LIN28B: variants seen among roughly 807,000 people sequenced by gnomAD.
The protein encoded by LIN28B is protein lin-28 homolog B.
LIN28B carries 5 observed loss-of-function variants against 21.9 expected under a neutral mutation model. The ratio of observed to expected loss-of-function variants is 0.23; its 90% CI spans 0.12 to 0.48. The LOEUF is 0.48. LIN28B is among the 20% of genes least tolerant of loss of function. LIN28B has a pLI of 0.98. For missense variants in LIN28B, 245 were observed against 310.5 expected (o/e 0.79, Z 1.58); for synonymous variants, 109 against 111.3 (o/e 0.98, Z 0.13).
At chr6:105,021,427 C>T (rs1771139138) in intron 2 of LIN28B, among the ~76,000 whole-genome samples, 2 of 152,040 alleles carry the variant, frequency 1.3e-5, no homozygotes, top group Admixed American at 6.6e-5. Context: ...ATTTTTAGTT[C>T]TTTGGTAAAT....
chr6:104,996,583 G>A (rs539787100), intron 2 of LIN28B, among the ~76,000 whole-genome samples: 3 of 152,298 alleles, frequency 2.0e-5, no homozygotes, highest in African/African-American at 7.2e-5. Context: ...GCTCTAGTAA[G>A]TCTGTATTGG....
At chr6:105,022,071 G>A (rs1185970106) in intron 2 of LIN28B, among the ~76,000 whole-genome samples, 1 of 151,706 alleles carries the variant, frequency 6.6e-6, no homozygotes, top group Non-Finnish European at 1.5e-5. Context: ...CAACCTAAGA[G>A]CAGAATTGTA....
intron 2 of LIN28B, among the ~76,000 whole-genome samples, chr6:104,976,878 T>C (rs1040904928): frequency 1.3e-5 from 2 of 152,214 alleles, no homozygotes; most frequent in Non-Finnish European, 2.9e-5. Context: ...CTTATACTTT[T>C]TGTTAGCCCT....
intron 2 of LIN28B, among the ~76,000 whole-genome samples, chr6:104,971,439 T>C (rs540600376): frequency 1.3e-5 from 2 of 152,276 alleles, no homozygotes; most frequent in African/African-American, 2.4e-5. Flanking sequence ...GATTTATAAA[T>C]ACAATCTTTT....
intron 3 of LIN28B, among the ~76,000 whole-genome samples, chr6:105,043,510 A>G (rs1771686114): frequency 1.3e-5 from 2 of 151,262 alleles, no homozygotes; most frequent in African/African-American, 4.8e-5. Flanking sequence ...TCCTCCTTTT[A>G]TTTTTATAAA....
intron 3 of LIN28B, among the ~76,000 whole-genome samples, chr6:105,039,838 G>A (rs998615518): frequency 2.6e-5 from 4 of 152,022 alleles, no homozygotes; most frequent in Admixed American, 1.3e-4. Flanking sequence ...GAAAAGCTGT[G>A]TAAAGATTTA....
intron 3 of LIN28B, among the ~76,000 whole-genome samples, chr6:105,057,756 A>C (rs1772048760): frequency 6.6e-6 from 1 of 152,172 alleles, no homozygotes; most frequent in Non-Finnish European, 1.5e-5. Flanking sequence ...ATTATGGTTA[A>C]GGAATATAGA....
intron 3 of LIN28B, among the ~76,000 whole-genome samples, chr6:105,048,640 T>C (rs1372495501): frequency 1.3e-5 from 2 of 152,224 alleles, no homozygotes; most frequent in Non-Finnish European, 2.9e-5. Context: ...TGAATCCATC[T>C]GCTCCTGGAC....
At chr6:105,018,947 C>G (rs1478592524) in intron 2 of LIN28B, among the ~76,000 whole-genome samples, 1 of 151,038 alleles carries the variant, frequency 6.6e-6, no homozygotes, top group Non-Finnish European at 1.5e-5. Flanking sequence ...CTTTTCTTTT[C>G]TTTTCTTTTT....
chr6:104,941,498 G>A (rs543546269), intron 2 of LIN28B: 1 of 150,204 alleles, frequency 6.7e-6, no homozygotes, highest in African/African-American at 2.4e-5. Context: ...CGCAGGGCGC[G>A]AGGGTGCGGC....
At chr6:104,989,356 T>C (rs918961974) in intron 2 of LIN28B, among the ~76,000 whole-genome samples, 1 of 151,980 alleles carries the variant, frequency 6.6e-6, no homozygotes, top group African/African-American at 2.4e-5. Context: ...GAAGCTGGGA[T>C]TGATTATAGG....
intron 3 of LIN28B, among the ~76,000 whole-genome samples, chr6:105,078,179 T>G (rs1423664679): frequency 6.6e-6 from 1 of 152,214 alleles, no homozygotes; most frequent in Non-Finnish European, 1.5e-5. Context: ...ACTCTTGTTT[T>G]TCACTGTGTT....
chr6:105,043,341 C>CAAAA (rs57532096), intron 3 of LIN28B, among the ~76,000 whole-genome samples: 41 of 75,376 alleles, frequency 5.4e-4, no homozygotes, highest in African/African-American at 1.1e-3. Flanking sequence ...GACTCTGTCT[C>CAAAA]AAAAAAAAAA....
intron 3 of LIN28B, among the ~76,000 whole-genome samples, chr6:105,042,940 T>C (rs1301423097): frequency 2.0e-5 from 3 of 152,184 alleles, no homozygotes; most frequent in African/African-American, 4.8e-5. Flanking sequence ...TCTTGTGAGC[T>C]GACAGTAAGC....
At chr6:104,956,373 GC>G (rs1445293306), upstream of LIN28B, among the ~76,000 whole-genome samples, 7 of 152,128 alleles carry the variant, frequency 4.6e-5, no homozygotes, top group East Asian at 1.4e-3. Context: ...GAAAGAGATG[GC>G]AGAGAAACCT....
chr6:105,036,854 ATATATTTATTG>A (rs763579084), intron 3 of LIN28B, among the ~76,000 whole-genome samples: 40 of 152,330 alleles, frequency 2.6e-4, no homozygotes, highest in Non-Finnish European at 4.6e-4. Context: ...AAATTAGATC[ATATATTTATTG>A]TATGATTTCG....
intron 2 of LIN28B, among the ~76,000 whole-genome samples, chr6:105,011,197 T>C (rs1316090483): frequency 4.6e-5 from 7 of 152,124 alleles, no homozygotes; most frequent in African/African-American, 7.2e-5. Context: ...TGTTCCTCCT[T>C]TTTATTTTTT....
intron 2 of LIN28B, among the ~76,000 whole-genome samples, chr6:104,946,564 G>A (rs1307576099): frequency 1.3e-5 from 2 of 152,032 alleles, no homozygotes; most frequent in South Asian, 2.1e-4. Context: ...TTTATTTGAT[G>A]TGTGTGTGTG....
At chr6:105,078,289 G>A in intron 3 of LIN28B, 125 bp from the exon 4 acceptor site, 1 of 864,008 alleles carries the variant, frequency 1.2e-6, no homozygotes, top group South Asian at 1.7e-5. Context: ...AATGATAAAT[G>A]CTTTTAAGAA....
Sources: allele counts gnomAD v4.1 joint callset (sites outside exome capture counted in the v4.1 genomes callset), GRCh38; gene constraint gnomAD v4.1.1; transcripts MANE v1.5; gene names NCBI Gene and HGNC (gene_info 2026-07-23, HGNC 2026-07-21).